SDK1: variants seen among roughly 807,000 people sequenced by gnomAD.
SDK1 encodes sidekick cell adhesion molecule 1, also known as protein sidekick-1.
A neutral mutation model predicts 245.5 loss-of-function variants in SDK1; 157 were observed. The ratio of observed to expected loss-of-function variants is 0.64; its 90% CI spans 0.56 to 0.73. The LOEUF (loss-of-function observed/expected upper bound fraction) is 0.73, where lower values mean the gene tolerates loss of function less well. Ranked by LOEUF, SDK1 falls within the 30% of genes least tolerant of loss-of-function variation. The probability of loss-of-function intolerance (pLI) is 0.00; values close to 1 mark genes in which losing one functional copy is unlikely to be tolerated. For missense variants in SDK1, 3,583 were observed against 3,002.3 expected (o/e 1.19, Z -4.52); for synonymous variants, 1,647 against 1,278.5 (o/e 1.29, Z -6.15).
At chr7:3,370,032 C>T (rs928112936) in intron 1 of SDK1, among the ~76,000 whole-genome samples, 7 of 152,192 alleles carry the variant, frequency 4.6e-5, no homozygotes, top group African/African-American at 1.7e-4. Context: ...TGTATCATTA[C>T]TGTTATTTGG....
chr7:3,508,435 C>G (rs1272843875), intron 1 of SDK1, among the ~76,000 whole-genome samples: 1 of 150,274 alleles, frequency 6.7e-6, no homozygotes, highest in Non-Finnish European at 1.5e-5. Flanking sequence ...TCAAACAATT[C>G]TCCTGCCTCA....
chr7:3,393,311 G>C (rs7790430), intron 1 of SDK1, among the ~76,000 whole-genome samples: 68,612 of 151,872 alleles, frequency 0.45, 17,543 homozygotes, highest in East Asian at 0.61. Flanking sequence ...CAGGAGTGAA[G>C]TTGTTCAATC....
At chr7:3,388,905 A>G (rs1474962217) in intron 1 of SDK1, among the ~76,000 whole-genome samples, 1 of 152,204 alleles carries the variant, frequency 6.6e-6, no homozygotes, top group African/African-American at 2.4e-5. Flanking sequence ...TCCAGTGGGA[A>G]AGCTGGTAAT....
intron 14 of SDK1, among the ~76,000 whole-genome samples, chr7:4,005,389 T>C (rs1168220868): frequency 2.7e-5 from 3 of 113,174 alleles, no homozygotes; most frequent in African/African-American, 1.1e-4. Flanking sequence ...TCTTTTCTTA[T>C]GTGAGTGTGT....
chr7:3,754,181 A>G (rs1779853566), intron 4 of SDK1, among the ~76,000 whole-genome samples: 1 of 152,198 alleles, frequency 6.6e-6, no homozygotes, highest in South Asian at 2.1e-4. Context: ...AATTTCTGAG[A>G]GATTCATATT....
At chr7:3,809,215 G>A (rs1006526796) in intron 4 of SDK1, among the ~76,000 whole-genome samples, 1 of 152,092 alleles carries the variant, frequency 6.6e-6, no homozygotes, top group African/African-American at 2.4e-5. Flanking sequence ...AACGAGAGAA[G>A]GGGGAGGTGC....
At chr7:4,241,669 C>T (rs893607752) in intron 42 of SDK1, 124 bp from the exon 43 acceptor site, 2 of 1,183,316 alleles carry the variant, frequency 1.7e-6, no homozygotes, top group South Asian at 1.5e-5. Context: ...AAGCAGGTAT[C>T]CTCAGCTCTG....
chr7:3,337,589 C>T (rs899369610), intron 1 of SDK1, among the ~76,000 whole-genome samples: 1 of 152,156 alleles, frequency 6.6e-6, no homozygotes, highest in African/African-American at 2.4e-5. Flanking sequence ...TGTGCCAAGA[C>T]ACATCCTGAT....
At position 4,156,774 on chromosome 7, in the gene SDK1, G is replaced by A. The variant is rs1562898467; in HGVS notation, c.4626-1674G>A. Among the ~76,000 whole-genome samples, 3 of 152,340 alleles carry A rather than the reference G, an allele frequency of 2.0e-5. No homozygotes were observed. The South Asian group carries it at 6.2e-4, about 32-fold the overall frequency. Reference sequence around the variant, plus strand: ...TTGTTGGCTGATGGGGGCTGTGTGGGCCTCTGGACTTCAGAGACTTCAGAG... The same window carrying A: ...TTGTTGGCTGATGGGGGCTGTGTGGACCTCTGGACTTCAGAGACTTCAGAG... On this transcript the variant is annotated intron_variant, in intron 30 of 44. Coordinates refer to ENST00000404826, the MANE Select transcript of SDK1 (RefSeq NM_152744.4).
intron 1 of SDK1, among the ~76,000 whole-genome samples, chr7:3,488,897 C>T (rs1437730925): frequency 7.0e-6 from 1 of 141,938 alleles, no homozygotes; most frequent in African/African-American, 2.6e-5. Context: ...CCCTTCATTC[C>T]TCCCTCCGTG....
intron 4 of SDK1, among the ~76,000 whole-genome samples, chr7:3,653,869 T>A (rs1192581322): frequency 6.6e-6 from 1 of 152,166 alleles, no homozygotes; most frequent in Non-Finnish European, 1.5e-5. Context: ...GCTTCACTTA[T>A]GAAGCAGAGA....
intron 1 of SDK1, among the ~76,000 whole-genome samples, chr7:3,348,941 C>T (rs929081149): frequency 3.9e-5 from 6 of 152,102 alleles, no homozygotes; most frequent in African/African-American, 1.4e-4. Context: ...AGTTTGATGC[C>T]ATGTAGCTTG....
At position 4,017,322 on chromosome 7, in the gene SDK1, A is replaced by C; in HGVS notation, c.2572A>C (p.Arg858=). Residue 858 remains arginine, a synonymous_variant, in exon 17 of 45, where the codon AGG becomes CGG. Coordinates refer to ENST00000404826, the MANE Select transcript of SDK1 (RefSeq NM_152744.4). The part of the protein sequence containing the change: ...YNGAGLGVFS[R]AVTEYTLQGV... ...CGGGGCCGGTCTGGGCGTCTTCAGC[A>C]GGGCAGTGACCGAGTACACCTTGCA... is the stretch of plus-strand genomic sequence containing the variant. 6.2e-7 allele frequency: 1 copy of C among 1,613,724 alleles called. No homozygotes were observed. The highest frequency in any genetic ancestry group is 8.5e-7 in the Non-Finnish European group (1 of 1,179,800).
At chr7:3,755,947 ACT>A (rs907600325) in intron 4 of SDK1, among the ~76,000 whole-genome samples, 8 of 149,676 alleles carry the variant, frequency 5.3e-5, no homozygotes, top group South Asian at 2.1e-4. Flanking sequence ...TATCGTTTTA[ACT>A]CTGACTCCTT....
intron 20 of SDK1, among the ~76,000 whole-genome samples, chr7:4,070,218 T>G (rs948529921): frequency 6.6e-6 from 1 of 152,230 alleles, no homozygotes; most frequent in African/African-American, 2.4e-5. Context: ...CCTAATGGGA[T>G]GTCTGCACCC....
chr7:3,392,967 T>TA (rs1781797692), intron 1 of SDK1, among the ~76,000 whole-genome samples: 1 of 133,672 alleles, frequency 7.5e-6, no homozygotes, highest in South Asian at 2.6e-4. Context: ...TTAAATTTTT[T>TA]TTTTTTTTTT....
chr7:4,034,353 G>C lies in SDK1; in HGVS notation c.2603-14995G>C, dbSNP rs75133554. On this transcript the variant is annotated intron_variant, in intron 17 of 44. Transcript: ENST00000404826. ...AAACCGTAGATTAGATGGCAGTCATGTGTCAATGCCGACGTCCCGGTTTTG... is the reference window on the plus strand; with the variant it reads ...AAACCGTAGATTAGATGGCAGTCATCTGTCAATGCCGACGTCCCGGTTTTG... 5.0e-3 allele frequency among the ~76,000 whole-genome samples: 768 copies of C among 152,312 alleles called. 2 individuals are homozygous for C. The highest frequency in any genetic ancestry group is 0.018 in the African/African-American group (752 of 41,564).
intron 38 of SDK1, among the ~76,000 whole-genome samples, chr7:4,215,346 G>A (rs748689985): frequency 3.3e-5 from 5 of 152,210 alleles, no homozygotes; most frequent in East Asian, 3.9e-4. Flanking sequence ...GGCCTTGGGC[G>A]GAGTCCCCCT....
At chr7:3,455,660 C>T (rs950297282) in intron 1 of SDK1, among the ~76,000 whole-genome samples, 10 of 152,092 alleles carry the variant, frequency 6.6e-5, no homozygotes, top group African/African-American at 1.2e-4. Context: ...TCCACCGATA[C>T]CACACAGTTT....
Sources: allele counts gnomAD v4.1 joint callset (sites outside exome capture counted in the v4.1 genomes callset), GRCh38; gene constraint gnomAD v4.1.1; transcripts MANE v1.5; gene names NCBI Gene and HGNC (gene_info 2026-07-23, HGNC 2026-07-21).